AGMO: variants seen among roughly 807,000 people sequenced by gnomAD.
AGMO encodes glyceryl-ether monooxygenase.
Under a neutral mutation model 60.2 loss-of-function variants are expected in AGMO, and 75 were observed. The observed-to-expected ratio is 1.25, with a 90% confidence interval of 1.03 to 1.51. The LOEUF (loss-of-function observed/expected upper bound fraction) is 1.51. Ranked by LOEUF, AGMO falls within the 40% of genes most tolerant of loss-of-function variation. The probability of loss-of-function intolerance (pLI) is 0.00; values close to 1 mark genes in which losing one functional copy is unlikely to be tolerated. For synonymous variants in AGMO, 261 were observed against 177.1 expected, an observed-to-expected ratio of 1.47 and a Z score of -3.76; for missense variants, 763 against 525.5, an observed-to-expected ratio of 1.45 and a Z score of -4.42.
At chr7:15,294,239 A>C (rs2128523318) in intron 12 of AGMO, among the ~76,000 whole-genome samples, 1 of 152,152 alleles carries the variant, frequency 6.6e-6, no homozygotes, top group Middle Eastern at 3.4e-3. Context: ...TAAAGATATT[A>C]TCACATATAA....
chr7:15,384,012 T>G (rs907231258), intron 10 of AGMO, among the ~76,000 whole-genome samples: 2 of 152,128 alleles, frequency 1.3e-5, no homozygotes, highest in East Asian at 1.9e-4. Context: ...CTCGGCTCAC[T>G]GCAAGCTCTG....
the AGMO span, among the ~76,000 whole-genome samples, chr7:15,162,844 C>A: frequency 1.3e-5 from 2 of 152,030 alleles, no homozygotes; most frequent in African/African-American, 4.8e-5. Context: ...ACTATTTGGG[C>A]TGTTTTTGGT....
chr7:15,124,601 G>C, the AGMO span, among the ~76,000 whole-genome samples: 2 of 152,010 alleles, frequency 1.3e-5, no homozygotes, highest in African/African-American at 2.4e-5. Context: ...CCAGTCTTCT[G>C]ATCTTTAGAA....
chr7:15,151,627 C>A, the AGMO span, among the ~76,000 whole-genome samples: 1 of 151,884 alleles, frequency 6.6e-6, no homozygotes, highest in Non-Finnish European at 1.5e-5. Context: ...GAGAAATATT[C>A]CTGGTGTTGA....
intron 12 of AGMO, among the ~76,000 whole-genome samples, chr7:15,244,793 A>C (rs2128504183): frequency 6.6e-6 from 1 of 152,084 alleles, no homozygotes; most frequent in Non-Finnish European, 1.5e-5. Context: ...CTGGGACTAC[A>C]GGTGCCCGCC....
At chr7:15,225,637 A>AT (rs905590622) in intron 12 of AGMO, among the ~76,000 whole-genome samples, 1 of 151,864 alleles carries the variant, frequency 6.6e-6, no homozygotes, top group African/African-American at 2.4e-5. Context: ...TAAGTTGAAT[A>AT]TTTTTTTATA....
intron 12 of AGMO, among the ~76,000 whole-genome samples, chr7:15,355,227 G>A (rs1165376706): frequency 6.6e-6 from 1 of 152,102 alleles, no homozygotes; most frequent in African/African-American, 2.4e-5. Flanking sequence ...TATTGGCTGG[G>A]CACGGTGGCT....
At chr7:15,281,161 G>A (rs1783954135) in intron 12 of AGMO, among the ~76,000 whole-genome samples, 1 of 152,058 alleles carries the variant, frequency 6.6e-6, no homozygotes, top group African/African-American at 2.4e-5. Context: ...TCCACAGGTG[G>A]AAAGTTTCAT....
At chr7:15,261,028 A>C (rs899055794) in intron 12 of AGMO, among the ~76,000 whole-genome samples, 3 of 152,064 alleles carry the variant, frequency 2.0e-5, no homozygotes, top group Admixed American at 6.6e-5. Flanking sequence ...AGCTAAGAGG[A>C]AGGTTTATAG....
At chr7:15,510,953 C>A (rs1273401539) in intron 3 of AGMO, among the ~76,000 whole-genome samples, 1 of 149,770 alleles carries the variant, frequency 6.7e-6, no homozygotes, top group Non-Finnish European at 1.5e-5. Context: ...ATAATATAAA[C>A]AAGTTCCTAT....
intron 12 of AGMO, among the ~76,000 whole-genome samples, chr7:15,236,559 T>G: frequency 6.6e-6 from 1 of 152,110 alleles, no homozygotes; most frequent in East Asian, 1.9e-4. Flanking sequence ...ATAAGAAATA[T>G]ACAGAGACAA....
At chr7:15,503,770 A>G (rs191774108) in intron 3 of AGMO, among the ~76,000 whole-genome samples, 8 of 152,188 alleles carry the variant, frequency 5.3e-5, no homozygotes, top group African/African-American at 1.9e-4. Context: ...TTTGTACAAC[A>G]TGAGTCAGGG....
intron 12 of AGMO, among the ~76,000 whole-genome samples, chr7:15,315,671 A>G (rs995440492): frequency 6.6e-6 from 1 of 152,058 alleles, no homozygotes; most frequent in African/African-American, 2.4e-5. Flanking sequence ...AACAAACAGA[A>G]AAGTTCTAGT....
intron 12 of AGMO, among the ~76,000 whole-genome samples, chr7:15,232,032 G>A (rs1321694836): frequency 2.0e-5 from 3 of 152,116 alleles, no homozygotes; most frequent in African/African-American, 7.2e-5. Context: ...AGTCATATTT[G>A]TCATATAATT....
chr7:15,407,626 A>G (rs1784741177), intron 5 of AGMO, among the ~76,000 whole-genome samples: 1 of 151,866 alleles, frequency 6.6e-6, no homozygotes, highest in Non-Finnish European at 1.5e-5. Flanking sequence ...ACCCATAAGC[A>G]TCTTCATTAA....
At chr7:15,555,337 A>G (rs1430786662) in intron 2 of AGMO, among the ~76,000 whole-genome samples, 1 of 146,728 alleles carries the variant, frequency 6.8e-6, no homozygotes, top group Non-Finnish European at 1.5e-5. Flanking sequence ...ACACACACAC[A>G]TATGTAAAGA....
In AGMO at chr7:15,544,872, G is replaced by C; in HGVS notation, c.309C>G (p.Asn103Lys). ...CCCAAGGCAAATTGAACAGCCTGTA[G>C]TTCTCCCAGATATAAATATAACTGG... The part of the protein sequence containing the change: ...ELTSYIYIWE[N>K]YRLFNLPWDS... Residue 103 changes from asparagine (N) to lysine (K), a missense_variant, in exon 3 of 13, where the codon AAC becomes AAG. By Grantham distance (94) the Asn-to-Lys change is moderately conservative. Coordinates refer to ENST00000342526, the MANE Select transcript of AGMO (RefSeq NM_001004320.2). The C allele has an allele frequency of 1.2e-6, 2 of 1,600,562 alleles. No homozygotes were observed. The highest frequency in any genetic ancestry group is 1.7e-6 in the Non-Finnish European group (2 of 1,172,632).
In AGMO at chr7:15,430,770, T is replaced by A. The variant is rs187961465; in HGVS notation, c.513+235A>T. Among the ~76,000 whole-genome samples, 107 of 151,900 alleles carry A rather than the reference T, an allele frequency of 7.0e-4. No individual in the cohort carries two copies. The East Asian group carries it at 0.015, about 21-fold the overall frequency. On this transcript the variant is annotated intron_variant, in intron 4 of 12. Transcript: ENST00000342526. Reference sequence around the variant, plus strand: ...CCATTCACTTTCTCACATTGTCGTATACTTTGAGTTTCTGGGTCAAATAAA... The same window carrying A: ...CCATTCACTTTCTCACATTGTCGTAAACTTTGAGTTTCTGGGTCAAATAAA...
chr7:15,145,078 T>C, the AGMO span, among the ~76,000 whole-genome samples: 1 of 152,178 alleles, frequency 6.6e-6, no homozygotes, highest in African/African-American at 2.4e-5. Flanking sequence ...TCCGCCCGCC[T>C]CGGCCCCGCA....
Sources: allele counts gnomAD v4.1 joint callset (sites outside exome capture counted in the v4.1 genomes callset), GRCh38; gene constraint gnomAD v4.1.1; transcripts MANE v1.5; gene names NCBI Gene and HGNC (gene_info 2026-07-23, HGNC 2026-07-21).